ADGB: variants seen among roughly 807,000 people sequenced by gnomAD.
ADGB encodes calpain-7-like protein.
A neutral mutation model predicts 210.5 loss-of-function variants in ADGB; 172 were observed. That is an observed-to-expected ratio of 0.82 (90% CI 0.72 to 0.93). ADGB has a LOEUF of 0.93. Among genes scored for constraint, ADGB ranks in the 40% least tolerant of loss-of-function variants. The pLI is 0.00. For synonymous variants in ADGB, 658 were observed against 662.7 expected (o/e 0.99, Z 0.11); for missense variants, 2,025 against 1,964.8 (o/e 1.03, Z -0.58).
In ADGB at chr6:146,667,490, A is replaced by C. The variant is rs78491081; in HGVS notation, c.839+588A>C. On this transcript the variant is annotated intron_variant, in intron 7 of 35. Transcript: ENST00000397944. Reference sequence around the variant, plus strand: ...GCTTTTAGGCAAATAGAGGGAAAACAGAGTTTCTGTGTATCTGCTTCTTCA... The same window carrying C: ...GCTTTTAGGCAAATAGAGGGAAAACCGAGTTTCTGTGTATCTGCTTCTTCA... 9.7e-3 allele frequency among the ~76,000 whole-genome samples: 1,473 copies of C among 152,126 alleles called. 24 individuals carry two copies. The highest frequency in any genetic ancestry group is 0.033 in the African/African-American group (1,387 of 41,534).
intron 35 of ADGB, chr6:146,803,334 G>T: frequency 3.7e-6 from 6 of 1,608,662 alleles, no homozygotes; most frequent in South Asian, 1.1e-5. Flanking sequence ...AGAATCACTG[G>T]AGTTAACCAA....
chr6:146,789,355 G>A (rs758765118), intron 33 of ADGB, among the ~76,000 whole-genome samples: 8 of 152,188 alleles, frequency 5.3e-5, no homozygotes, highest in South Asian at 2.1e-4. Context: ...TACATCCTCC[G>A]ATTAAACCTG....
chr6:146,675,448 C>T lies in ADGB; in HGVS notation c.1088-865C>T, dbSNP rs1776071681. Among the ~76,000 whole-genome samples the T allele has an allele frequency of 3.3e-5, 5 of 151,614 alleles. No homozygotes were observed. In the South Asian group the frequency reaches 8.3e-4, roughly 25 times the overall value. ...TGAGACCTCGCCACTGCACTCCAGC[C>T]TGGGTGGCAGAGTGAAAGCCTGTCA... is the stretch of plus-strand genomic sequence containing the variant. On this transcript the variant is annotated intron_variant, in intron 8 of 35. Transcript: ENST00000397944.
intron 12 of ADGB, among the ~76,000 whole-genome samples, chr6:146,693,613 G>C (rs901624362): frequency 6.6e-6 from 1 of 152,194 alleles, no homozygotes; most frequent in Non-Finnish European, 1.5e-5. Flanking sequence ...TGAAAGTGTG[G>C]AAGTGGTTTC....
At chr6:146,672,570 C>A in intron 8 of ADGB, 103 bp downstream of exon 8, 20 of 1,327,512 alleles carry the variant, frequency 1.5e-5, no homozygotes, top group Non-Finnish European at 2.0e-5. Context: ...TTGATCCAGA[C>A]CCCAAGAGAG....
intron 1 of ADGB, among the ~76,000 whole-genome samples, chr6:146,608,656 T>G (rs1780663552): frequency 6.6e-6 from 1 of 152,230 alleles, no homozygotes; most frequent in Admixed American, 6.5e-5. Flanking sequence ...AGGAGCATGT[T>G]GTTTAATTTC....
intron 33 of ADGB, among the ~76,000 whole-genome samples, chr6:146,797,385 G>A (rs1438326173): frequency 6.6e-6 from 1 of 152,096 alleles, no homozygotes; most frequent in East Asian, 1.9e-4. Flanking sequence ...ATATGAAAAA[G>A]ACACTTACAC....
chr6:146,650,158 C>A (rs1479870571), intron 3 of ADGB, among the ~76,000 whole-genome samples: 2 of 152,140 alleles, frequency 1.3e-5, no homozygotes, highest in East Asian at 3.9e-4. Context: ...TAGCTGTGGA[C>A]CAAAATTTTG....
chr6:146,725,474 A>G (rs1386573133), intron 18 of ADGB: 1 of 152,088 alleles, frequency 6.6e-6, no homozygotes, highest in Non-Finnish European at 1.5e-5. Flanking sequence ...CAGGTTGGAC[A>G]CTCCTTATAA....
At chr6:146,670,831 T>G (rs1299808121) in intron 7 of ADGB, among the ~76,000 whole-genome samples, 1 of 152,182 alleles carries the variant, frequency 6.6e-6, no homozygotes, top group Non-Finnish European at 1.5e-5. Context: ...AAAAAAATTT[T>G]TAAAGGCTAT....
At chr6:146,613,455 A>G (rs1780741133) in intron 1 of ADGB, among the ~76,000 whole-genome samples, 1 of 152,232 alleles carries the variant, frequency 6.6e-6, no homozygotes, top group Non-Finnish European at 1.5e-5. Flanking sequence ...TGCACATTGC[A>G]TGAGTAAATT....
chr6:146,815,337 A>T lies in ADGB; in HGVS notation c.*120A>T. The T allele has an allele frequency of 1.3e-6, 1 of 763,480 alleles. No individual in the cohort carries two copies. The highest frequency in any genetic ancestry group is 3.7e-5 in the South Asian group (1 of 26,922). 47.3% of individuals were successfully genotyped at this position (763,480 alleles called of 1,614,324 possible). On this transcript the variant is annotated 3_prime_UTR_variant, in exon 36 of 36. Transcript: ENST00000397944. The stretch of plus-strand genomic sequence containing the variant: ...AAATAGAAATTTCTCTTTCTTAGAA[A>T]TATTTTAATGCTAACTTGTTAGTTT...
At chr6:146,749,257 G>A (rs1267317813) in intron 26 of ADGB, among the ~76,000 whole-genome samples, 1 of 152,136 alleles carries the variant, frequency 6.6e-6, no homozygotes, top group Non-Finnish European at 1.5e-5. Context: ...TTTAAATGTG[G>A]TGGTCTAGTG....
rs113048302 is a variant in ADGB at position 146,749,821 on chromosome 6, G to GGA, written c.3366-2690_3366-2689dup. On this transcript the variant is annotated intron_variant, in intron 26 of 35. Coordinates refer to ENST00000397944, the MANE Select transcript of ADGB (RefSeq NM_024694.4). ...GGAAGAGTCTTCACATGGCAGAGCAGGAGAGAGAGAGAGAGAGAGAAGGGG... is the reference window on the plus strand; with the variant it reads ...GGAAGAGTCTTCACATGGCAGAGCAGGAGAGAGAGAGAGAGAGAGAGAAGGGG... 2.8e-3 allele frequency among the ~76,000 whole-genome samples: 414 copies of GGA among 150,182 alleles called. 4 individuals are homozygous for GGA. The highest frequency in any genetic ancestry group is 0.01 in the Middle Eastern group (3 of 290).
intron 26 of ADGB, among the ~76,000 whole-genome samples, chr6:146,746,396 G>T (rs894513525): frequency 6.6e-6 from 1 of 152,126 alleles, no homozygotes; most frequent in African/African-American, 2.4e-5. Context: ...TTCTTCTTCT[G>T]CTCCATCTCT....
At chr6:146,728,827 G>A in intron 20 of ADGB, 86 bp downstream of exon 20, 1 of 1,120,770 alleles carries the variant, frequency 8.9e-7, no homozygotes, top group Non-Finnish European at 1.2e-6. Context: ...TCCCAAATCA[G>A]AGCCAGAGAA....
chr6:146,673,668 A>AGTGG (rs1337341608), intron 8 of ADGB, among the ~76,000 whole-genome samples: 8 of 152,174 alleles, frequency 5.3e-5, no homozygotes, highest in Non-Finnish European at 1.0e-4. Context: ...AAAAGTAAAA[A>AGTGG]GTGGCAGAAC....
chr6:146,646,754 C>T (rs1373323540), intron 3 of ADGB, among the ~76,000 whole-genome samples: 1 of 152,068 alleles, frequency 6.6e-6, no homozygotes, highest in Non-Finnish European at 1.5e-5. Context: ...CTTCTGATGA[C>T]ATTTGTCAAA....
chr6:146,715,232 A>G (rs1309980935), intron 13 of ADGB, 150 bp from the exon 14 acceptor site: 1 of 652,364 alleles, frequency 1.5e-6, no homozygotes, highest in Admixed American at 3.3e-5. Flanking sequence ...AAAGTTAAAA[A>G]CAAATTTTTT....
Sources: allele counts gnomAD v4.1 joint callset (sites outside exome capture counted in the v4.1 genomes callset), GRCh38; gene constraint gnomAD v4.1.1; transcripts MANE v1.5; gene names NCBI Gene and HGNC (gene_info 2026-07-23, HGNC 2026-07-21).